The following MNT variants were observed in gnomAD, a reference collection of about 807,000 sequenced individuals.
MNT encodes MAX network transcriptional repressor, also known as max-binding protein MNT.
In MNT, 13 loss-of-function variants were observed where a neutral mutation model predicts 40.7. The ratio of observed to expected loss-of-function variants is 0.32; its 90% CI spans 0.21 to 0.51. MNT has a LOEUF of 0.51. Among genes scored for constraint, MNT ranks in the 20% least tolerant of loss-of-function variants. MNT has a pLI of 0.98. For missense variants in MNT, 757 were observed against 792.0 expected, an observed-to-expected ratio of 0.96 and a Z score of 0.53; for synonymous variants, 426 against 354.8, an observed-to-expected ratio of 1.20 and a Z score of -2.26.
At chr17:2,398,574 C>T (rs765535081) in intron 1 of MNT, among the ~76,000 whole-genome samples, 7 of 152,190 alleles carry the variant, frequency 4.6e-5, no homozygotes, top group Non-Finnish European at 1.0e-4. Flanking sequence ...TTCCGGACAC[C>T]CGTACATGAG....
intron 4 of MNT, 92 bp downstream of exon 4, chr17:2,393,951 G>C (rs1226301419): frequency 6.3e-6 from 5 of 789,464 alleles, no homozygotes; most frequent in Non-Finnish European, 8.9e-6. Context: ...GGGAGCCGCC[G>C]GGGCGTGAGG....
At chr17:2,394,403 T>A in intron 2 of MNT, 57 bp from the exon 3 acceptor site, 11 of 1,610,172 alleles carry the variant, frequency 6.8e-6, no homozygotes, top group Non-Finnish European at 9.3e-6. Context: ...ACGGCCTTCC[T>A]GACCAGCGCC....
chr17:2,388,769 ACACT>A (rs2151665551), intron 4 of MNT, among the ~76,000 whole-genome samples: 1 of 152,138 alleles, frequency 6.6e-6, no homozygotes, highest in African/African-American at 2.4e-5. Flanking sequence ...GCTCCCCTCC[ACACT>A]CAGTCTTTCC....
At position 2,387,161 on chromosome 17, in the gene MNT, T is replaced by C; in HGVS notation, c.1489A>G (p.Thr497Ala). Residue 497 changes from threonine (T) to alanine (A), a missense_variant, in exon 6 of 6, where the codon ACC (threonine) becomes GCC (alanine). Transcript: ENST00000174618. Reference protein sequence around the residue: ...PIGHITVHPATLNHVAHLGSQ... With the variant: ...PIGHITVHPAALNHVAHLGSQ... ...CCCAGGTGGGCCACATGGTTGAGGGTGGCAGGGTGCACAGTGATGTGCCCA... is the reference window on the plus strand; with the variant it reads ...CCCAGGTGGGCCACATGGTTGAGGGCGGCAGGGTGCACAGTGATGTGCCCA... The C allele has an allele frequency of 6.2e-7, 1 of 1,602,618 alleles. No individual in the cohort carries two copies. Among genetic ancestry groups the C allele is most frequent in the Non-Finnish European group, 8.5e-7 (1 of 1,175,602 alleles).
intron 4 of MNT, chr17:2,388,439 G>A (rs772425093): frequency 2.2e-4 from 43 of 196,378 alleles, no homozygotes; most frequent in African/African-American, 7.0e-5. Context: ...CCACCTCACC[G>A]TTCACTTGTC....
At chr17:2,396,527 G>A (rs1467103883) in intron 1 of MNT, 1 of 152,396 alleles carries the variant, frequency 6.6e-6, no homozygotes, top group Admixed American at 6.5e-5. Context: ...GAAGGGGCTG[G>A]GCTCTTCAAT....
At chr17:2,393,139 AC>A (rs57125154) in intron 4 of MNT, among the ~76,000 whole-genome samples, 966 of 96,082 alleles carry the variant, frequency 0.01, 7 homozygotes, top group African/African-American at 0.026. Flanking sequence ...CTCGCCGCCC[AC>A]CCCCCCCCCA....
intron 4 of MNT, chr17:2,391,251 A>C (rs1413236974): frequency 6.6e-6 from 1 of 152,354 alleles, no homozygotes; most frequent in African/African-American, 2.4e-5. Context: ...GGCCTCCCAA[A>C]GTGCTGGGAT....
At position 2,395,432 on chromosome 17, in the gene MNT, C is replaced by T. The variant is rs1229494359; in HGVS notation, c.96G>A (p.Leu32=). 2 of 1,612,670 alleles carry T rather than the reference C, an allele frequency of 1.2e-6. No homozygotes were observed. The highest frequency in any genetic ancestry group is 2.2e-5 in the East Asian group (1 of 44,858). The change falls in exon 2 of 6, where the codon TTG becomes TTA. Residue 32 remains leucine, a synonymous_variant. Coordinates refer to ENST00000174618, the MANE Select transcript of MNT (RefSeq NM_020310.3). The part of the protein sequence containing the change: ...RAREEQERLR[L]EQEREQEQKK... Reference sequence around the variant, plus strand: ...TCTGTTCCTGCTCTCGCTCCTGCTCCAAGCGAAGCCGCTCCTGCTCCTCTA... The same window carrying T: ...TCTGTTCCTGCTCTCGCTCCTGCTCTAAGCGAAGCCGCTCCTGCTCCTCTA...
Position 2,395,388 on chromosome 17 carries a change from G to A in MNT, c.140C>T (p.Ala47Val), listed in dbSNP as rs780056367. Residue 47 changes from alanine to valine, a missense_variant, in exon 2 of 6, where the codon GCC becomes GTC. Physicochemically the swap from Ala to Val is moderately conservative, Grantham distance 64. Around this residue, in one of 4 missense-constraint regions of MNT, gnomAD observed 335 missense variants for 291.4 expected, o/e 1.15. Coordinates refer to ENST00000174618, the MANE Select transcript of MNT (RefSeq NM_020310.3). ...CACAGGAAGGGTATGTGCCAGCCTGGCCAGGCTATTGGCCTTCTTCTGTTC... is the reference window on the plus strand; with the variant it reads ...CACAGGAAGGGTATGTGCCAGCCTGACCAGGCTATTGGCCTTCTTCTGTTC... ...EQEQKKANSL[A>V]RLAHTLPVEE... 9.9e-6 allele frequency: 16 copies of A among 1,613,594 alleles called. 1 individual carries two copies. The highest frequency in any genetic ancestry group is 1.7e-4 in the Middle Eastern group (1 of 6,060).
At position 2,400,977 on chromosome 17, in the gene MNT, C is replaced by G; in HGVS notation, c.-265G>C. On this transcript the variant is annotated 5_prime_UTR_variant, in exon 1 of 6. Coordinates refer to ENST00000174618, the MANE Select transcript of MNT (RefSeq NM_020310.3). ...AAGGCGGCACTGCCTCCCTTCTTCC[C>G]CTCCCTCTCTACCTCCCTTCCGATG... is the stretch of plus-strand genomic sequence containing the variant. The G allele has an allele frequency of 2.8e-6, 1 of 354,334 alleles. No homozygotes were observed. The allele number at this position is 354,334 out of a possible 1,614,324, so 21.9% of individuals were successfully genotyped here. A position where few individuals can be genotyped will look rare whatever the true frequency, so the allele number is the denominator to read the frequency against.
Position 2,400,997 on chromosome 17 carries a change from C to G in MNT, c.-285G>C, listed in dbSNP as rs543876251. ...CTTCCCCTCCCTCTCTACCTCCCTT[C>G]CGATGCCTCCCGCCCCGCGGCCCCC... On this transcript the variant is annotated 5_prime_UTR_variant, in exon 1 of 6. Coordinates refer to ENST00000174618, the MANE Select transcript of MNT (RefSeq NM_020310.3). 12 of 305,044 alleles carry G rather than the reference C, an allele frequency of 3.9e-5. No individual in the cohort carries two copies. Among genetic ancestry groups the G allele is most frequent in the African/African-American group, 2.2e-4 (10 of 44,988 alleles). 18.9% of individuals were successfully genotyped at this position (305,044 alleles called of 1,614,324 possible). A position where few individuals can be genotyped will look rare whatever the true frequency, so the allele number is the denominator to read the frequency against.
chr17:2,387,213 C>T lies in MNT; in HGVS notation c.1437G>A (p.Val479=). ...HIAPSAPSPA[V]QLAPATPPIG... ...TGGGGGGTGTGGCAGGCGCCAGTTG[C>T]ACCGCAGGGCTGGGGGCCGAGGGGG... The change falls in exon 6 of 6, where the codon GTG becomes GTA. Residue 479 remains valine, a synonymous_variant. Transcript: ENST00000174618. 2 of 1,609,374 alleles carry T rather than the reference C, an allele frequency of 1.2e-6. No homozygotes were observed. Among genetic ancestry groups the T allele is most frequent in the South Asian group, 2.2e-5 (2 of 90,408 alleles).
At chr17:2,394,273 G>GCATGCACACACACACA (rs2066555757) in intron 3 of MNT, 32 bp downstream of exon 3, 1 of 1,294,506 alleles carries the variant, frequency 7.7e-7, no homozygotes, top group African/African-American at 2.4e-5. Context: ...GCGCACGCAC[G>GCATGCACACACACACA]CACGCACACA....
At chr17:2,393,148 C>CG (rs1555611724) in intron 4 of MNT, among the ~76,000 whole-genome samples, 1 of 144,222 alleles carries the variant, frequency 6.9e-6, no homozygotes, top group Non-Finnish European at 1.5e-5. Context: ...CACCCCCCCC[C>CG]CAACGCGGGC....
In MNT at chr17:2,386,708, C is replaced by G. The variant is rs557201753; in HGVS notation, c.*193G>C. The G allele has an allele frequency of 1.2e-5, 6 of 518,216 alleles. No homozygotes were observed. The highest frequency in any genetic ancestry group is 2.0e-5 in the African/African-American group (1 of 50,708). The allele number at this position is 518,216 out of a possible 1,614,324, so 32.1% of individuals were successfully genotyped here. On this transcript the variant is annotated 3_prime_UTR_variant, in exon 6 of 6. Coordinates refer to ENST00000174618, the MANE Select transcript of MNT (RefSeq NM_020310.3). ...TCGCATTTTCTCAGAGTCATCTTAC[C>G]AAGTCCTAGTGCAGCAGGGTGGCCC... is the stretch of plus-strand genomic sequence containing the variant.
rs770490564 is a variant in MNT at position 2,395,320 on chromosome 17, G to A, written c.208C>T (p.Pro70Ser). 4.4e-6 allele frequency: 7 copies of A among 1,607,494 alleles called. No homozygotes were observed. The African/African-American group carries it at 9.4e-5, about 21-fold the overall frequency. The part of the protein sequence containing the change: ...MEAPPLPLSP[P>S]APPPAPPPPL... ...GGTGGGGGTGCCGGCGGGGGAGCCG[G>A]TGGAGACAGAGGCAGGGGTGGCGCC... The change falls in exon 2 of 6, where the codon CCG (proline) becomes TCG (serine). Residue 70 changes from proline to serine, a missense_variant. Physicochemically the swap from Pro to Ser is moderately conservative, Grantham distance 74. Around this residue, in one of 4 missense-constraint regions of MNT, gnomAD observed 335 missense variants for 291.4 expected, o/e 1.15. Transcript: ENST00000174618.
At position 2,394,281 on chromosome 17, in the gene MNT, A is replaced by ACGCACG. The variant is rs771691878; in HGVS notation, c.695+23_695+24insCGTGCG. On this transcript the variant is annotated intron_variant, in intron 3 of 5. Transcript: ENST00000174618. ...GTCGCGCGCGCACGCACGCACGCAC[A>ACGCACG]CACACACACACACACACACACACCT... The ACGCACG allele has an allele frequency of 1.6e-5, 21 of 1,285,996 alleles. No homozygotes were observed. In the African/African-American group the frequency reaches 3.7e-4, roughly 23 times the overall value. 79.7% of individuals were successfully genotyped at this position (1,285,996 alleles called of 1,614,324 possible). A position where few individuals can be genotyped will look rare whatever the true frequency, so the allele number is the denominator to read the frequency against.
In MNT at chr17:2,394,337, G is replaced by C; in HGVS notation, c.663C>G (p.Thr221=). ...TCTCCAATTTGTTGTGGACTTCTCT[G>C]GTTCCGATCCTGAAACCCAGACAGA... ...EQKKRPGGIG[T]REVHNKLEKN... is the part of the protein sequence containing the mutation. Residue 221 remains threonine (T), a synonymous_variant, in exon 3 of 6, where the codon ACC becomes ACG. Transcript: ENST00000174618. The C allele has an allele frequency of 6.2e-7, 1 of 1,612,796 alleles. No homozygotes were observed. Among genetic ancestry groups the C allele is most frequent in the Non-Finnish European group, 8.5e-7 (1 of 1,179,912 alleles).
Sources: gnomAD v4.1 joint callset for allele counts (sites outside exome capture counted in the v4.1 genomes callset) on GRCh38, gnomAD v4.1.1 for gene constraint, gnomAD v4.1.1 regional missense constraint, MANE v1.5 for transcripts, NCBI Gene and HGNC (gene_info 2026-07-23, HGNC 2026-07-21) for gene names.